The following IQCM variants were observed in gnomAD, a reference collection of about 807,000 sequenced individuals.
IQCM encodes the protein IQ motif containing M, also known as IQ domain-containing protein M.
In IQCM, 45 loss-of-function variants were observed where a neutral mutation model predicts 57.6. That is an observed-to-expected ratio of 0.78 (90% CI 0.62 to 1.00). The LOEUF is 1.00. IQCM is among the 50% of genes least tolerant of loss of function. The probability of loss-of-function intolerance (pLI) is 0.00; values close to 1 mark genes in which losing one functional copy is unlikely to be tolerated. For missense variants in IQCM, 468 were observed against 511.6 expected (o/e 0.91, Z 0.82); for synonymous variants, 148 against 158.9 (o/e 0.93, Z 0.51).
chr4:149,715,156 C>G (rs1003705955), intron 5 of IQCM, among the ~76,000 whole-genome samples: 1 of 152,190 alleles, frequency 6.6e-6, no homozygotes, highest in African/African-American at 2.4e-5. Context: ...CTGAGTTTTG[C>G]TGGGGCCTGC....
At chr4:149,588,414 A>G (rs1752832622) in intron 8 of IQCM, among the ~76,000 whole-genome samples, 1 of 151,900 alleles carries the variant, frequency 6.6e-6, no homozygotes, top group Non-Finnish European at 1.5e-5. Context: ...TGCTCTGATA[A>G]TTTGTGATAT....
At chr4:149,467,922 T>C (rs1443552975) in intron 12 of IQCM, among the ~76,000 whole-genome samples, 1 of 152,276 alleles carries the variant, frequency 6.6e-6, no homozygotes, top group African/African-American at 2.4e-5. Context: ...ATTTCATCAA[T>C]GCAGGGCACA....
At chr4:149,767,674 T>C (rs1237806277) in intron 2 of IQCM, among the ~76,000 whole-genome samples, 1 of 152,078 alleles carries the variant, frequency 6.6e-6, no homozygotes, top group Non-Finnish European at 1.5e-5. Context: ...CTGATTATGT[T>C]GGTGAGTAAA....
intron 12 of IQCM, among the ~76,000 whole-genome samples, chr4:149,534,811 G>A (rs1029406306): frequency 6.6e-6 from 1 of 152,036 alleles, no homozygotes; most frequent in Non-Finnish European, 1.5e-5. Flanking sequence ...ATACCAAAAT[G>A]AAACTCTTAT....
chr4:149,558,741 C>T (rs976293055), intron 10 of IQCM, among the ~76,000 whole-genome samples: 1 of 152,046 alleles, frequency 6.6e-6, no homozygotes, highest in Admixed American at 6.5e-5. Flanking sequence ...AGATTCATTG[C>T]CAAAATGAGG....
intron 9 of IQCM, among the ~76,000 whole-genome samples, chr4:149,575,786 G>T (rs769568560): frequency 4.0e-5 from 6 of 151,850 alleles, no homozygotes; most frequent in Non-Finnish European, 8.8e-5. Flanking sequence ...AACATTTCAG[G>T]TAGTAAAATG....
Position 149,733,239 on chromosome 4 carries a change from C to T in IQCM, c.385+5G>A. ...CTGAATTTCTTCACTCCACCAAAAA[C>T]TTACCTTTTGTAATTAGATCTATGG... On this transcript the variant is annotated splice_donor_5th_base_variant and intron_variant, in intron 5 of 13. Coordinates refer to ENST00000636793, the MANE Select transcript of IQCM (RefSeq NM_001363507.2). 8.1e-7 allele frequency: 1 copy of T among 1,231,614 alleles called. No individual in the cohort carries two copies. Among genetic ancestry groups the T allele is most frequent in the Non-Finnish European group, 1.0e-6 (1 of 987,584 alleles). 76.3% of individuals were successfully genotyped at this position (1,231,614 alleles called of 1,614,324 possible).
At chr4:149,626,401 A>ATATATATATATATATATATATATATATG (rs2150083759) in intron 7 of IQCM, among the ~76,000 whole-genome samples, 1 of 119,792 alleles carries the variant, frequency 8.3e-6, no homozygotes, top group East Asian at 2.9e-4. Flanking sequence ...ACATATATAT[A>ATATATATATATATATATATATATATATG]TATAAGTTTA....
At chr4:149,399,256 A>G (rs1211237303) in intron 13 of IQCM, among the ~76,000 whole-genome samples, 1 of 151,802 alleles carries the variant, frequency 6.6e-6, no homozygotes, top group Non-Finnish European at 1.5e-5. Context: ...TTTTCACACC[A>G]CCCTACTTAA....
At chr4:149,530,811 C>T (rs995404659) in intron 12 of IQCM, among the ~76,000 whole-genome samples, 4 of 132,144 alleles carry the variant, frequency 3.0e-5, no homozygotes, top group Non-Finnish European at 4.8e-5. Context: ...CCACCCCCCC[C>T]CCACATACAC....
At chr4:149,744,628 G>A (rs1767754820) in intron 2 of IQCM, among the ~76,000 whole-genome samples, 1 of 152,100 alleles carries the variant, frequency 6.6e-6, no homozygotes, top group Non-Finnish European at 1.5e-5. Context: ...TGAGACAGGA[G>A]CTGGGGGTGT....
chr4:149,446,253 A>T (rs188960995), intron 12 of IQCM, among the ~76,000 whole-genome samples: 1 of 151,870 alleles, frequency 6.6e-6, no homozygotes, highest in East Asian at 1.9e-4. Context: ...AGATATATTT[A>T]TAAAAAAGCT....
intron 13 of IQCM, among the ~76,000 whole-genome samples, chr4:149,385,723 C>T (rs1731378961): frequency 6.6e-6 from 1 of 152,032 alleles, no homozygotes; most frequent in Non-Finnish European, 1.5e-5. Flanking sequence ...CATTATTAAA[C>T]CACTGCCAAG....
intron 13 of IQCM, among the ~76,000 whole-genome samples, chr4:149,363,239 T>C (rs1729614457): frequency 6.6e-6 from 1 of 152,190 alleles, no homozygotes. Context: ...CAGCATGACC[T>C]GGACAGGTGT....
intron 12 of IQCM, among the ~76,000 whole-genome samples, chr4:149,441,014 T>C (rs1190736675): frequency 6.6e-6 from 1 of 152,182 alleles, no homozygotes; most frequent in East Asian, 1.9e-4. Flanking sequence ...TTTATTTATA[T>C]GCATTAATAG....
At chr4:149,356,127 G>A (rs36131910) in intron 13 of IQCM, among the ~76,000 whole-genome samples, 8,018 of 152,126 alleles carry the variant, frequency 0.053, 237 homozygotes, top group Middle Eastern at 0.075. Flanking sequence ...TGAGTTCATC[G>A]TAGATTCTGG....
chr4:149,581,654 G>A (rs1752193524), intron 9 of IQCM, among the ~76,000 whole-genome samples: 1 of 151,698 alleles, frequency 6.6e-6, no homozygotes, highest in Non-Finnish European at 1.5e-5. Flanking sequence ...CGGGTTTCAT[G>A]AGTTGATCTA....
intron 12 of IQCM, among the ~76,000 whole-genome samples, chr4:149,496,810 A>G (rs1472452158): frequency 6.6e-6 from 1 of 152,178 alleles, no homozygotes; most frequent in African/African-American, 2.4e-5. Context: ...TATTATTTTT[A>G]TAATTCCTTT....
intron 13 of IQCM, among the ~76,000 whole-genome samples, chr4:149,408,091 T>A (rs1205842916): frequency 2.0e-5 from 3 of 152,158 alleles, no homozygotes; most frequent in African/African-American, 7.2e-5. Flanking sequence ...TTAGTGATGT[T>A]TATCTTTTTT....
Sources: gnomAD v4.1 joint callset for allele counts (sites outside exome capture counted in the v4.1 genomes callset) on GRCh38, gnomAD v4.1.1 for gene constraint, MANE v1.5 for transcripts, NCBI Gene and HGNC (gene_info 2026-07-23, HGNC 2026-07-21) for gene names.